The following CENPL variants were observed in gnomAD, a reference collection of about 807,000 sequenced individuals.
The protein encoded by CENPL is interphase centromere complex protein 33.
A neutral mutation model predicts 35.2 loss-of-function variants in CENPL; 20 were observed. That is an observed-to-expected ratio of 0.57 (90% CI 0.40 to 0.83). CENPL has a LOEUF of 0.83. Ranked by LOEUF, CENPL falls within the 40% of genes least tolerant of loss-of-function variation. The pLI is 0.00. For synonymous variants in CENPL, 140 were observed against 140.6 expected (o/e 1.00, Z 0.03); for missense variants, 363 against 395.8 (o/e 0.92, Z 0.70).
At chr1:173,821,548 A>G (rs1355384232) in intron 2 of CENPL, among the ~76,000 whole-genome samples, 1 of 152,234 alleles carries the variant, frequency 6.6e-6, no homozygotes, top group Non-Finnish European at 1.5e-5. Context: ...TTGAAAAAAC[A>G]TGTCAATTGT....
At chr1:173,822,162 G>A (rs1051428309) in intron 2 of CENPL, 1 of 152,060 alleles carries the variant, frequency 6.6e-6, no homozygotes, top group African/African-American at 2.4e-5. Flanking sequence ...TATTTTACTA[G>A]AAATCTTCAG....
Position 173,807,523 on chromosome 1 carries a change from A to T in CENPL, c.169-5T>A, listed in dbSNP as rs764688108. 46 of 1,386,306 alleles carry T rather than the reference A, an allele frequency of 3.3e-5. 2 individuals carry two copies. The Admixed American group carries it at 5.4e-4, about 16-fold the overall frequency. The allele number at this position is 1,386,306 out of a possible 1,614,324, so 85.9% of individuals were successfully genotyped here. ...CTTTTGAGGGTCAACATCTTCCTAT[A>T]AAAAAAAATCAAGACAAAAGAAGTT... On this transcript the variant is annotated splice_polypyrimidine_tract_variant and splice_region_variant and intron_variant, in intron 3 of 5. Coordinates refer to ENST00000682279, the MANE Select transcript of CENPL (RefSeq NM_001387287.1).
chr1:173,813,109 A>G (rs555312131), intron 2 of CENPL, among the ~76,000 whole-genome samples: 2 of 152,348 alleles, frequency 1.3e-5, no homozygotes, highest in South Asian at 2.1e-4. Flanking sequence ...ATAAAGCGAG[A>G]AGACAAAGTT....
At position 173,799,721 on chromosome 1, in the gene CENPL, A is replaced by G. The variant is rs1649586462; in HGVS notation, c.*727T>C. 6.6e-6 allele frequency: 1 copy of G among 152,228 alleles called. No individual in the cohort carries two copies. The highest frequency in any genetic ancestry group is 6.5e-5 in the Admixed American group (1 of 15,280). 9.4% of individuals were successfully genotyped at this position (152,228 alleles called of 1,614,324 possible). A position where few individuals can be genotyped will look rare whatever the true frequency, so the allele number is the denominator to read the frequency against. On this transcript the variant is annotated 3_prime_UTR_variant, in exon 6 of 6. Transcript: ENST00000682279. ...AATGCTAGGAAAATGTCTTTAGAAG[A>G]CAGAATTCTTTCTGAATGCAAGTCT...
chr1:173,805,406 T>C (rs1170298471), intron 4 of CENPL, among the ~76,000 whole-genome samples: 1 of 151,758 alleles, frequency 6.6e-6, no homozygotes, highest in African/African-American at 2.4e-5. Context: ...TCCTAGCTAC[T>C]TGGGGGGCTG....
intron 2 of CENPL, among the ~76,000 whole-genome samples, chr1:173,817,398 G>GA (rs1218755697): frequency 6.6e-6 from 1 of 152,156 alleles, no homozygotes; most frequent in African/African-American, 2.4e-5. Flanking sequence ...ACAAACACAT[G>GA]AAAAAATGCT....
At chr1:173,814,267 A>C (rs1475239880) in intron 2 of CENPL, among the ~76,000 whole-genome samples, 2 of 152,180 alleles carry the variant, frequency 1.3e-5, no homozygotes, top group Non-Finnish European at 2.9e-5. Context: ...AATATTAGAC[A>C]GATCAACGAG....
rs1367037571 is a variant in CENPL at position 173,803,282 on chromosome 1, G to A, written c.644C>T (p.Ala215Val). 1 of 1,612,856 alleles carries A rather than the reference G, an allele frequency of 6.2e-7. No homozygotes were observed. Among genetic ancestry groups the A allele is most frequent in the Non-Finnish European group, 8.5e-7 (1 of 1,178,918 alleles). ...GGCAGCCATCCAGGAAAGATTAAAT[G>A]CATTGATTGCTAAAGGACTGAAATA... is the stretch of plus-strand genomic sequence containing the variant. ...DCYFSPLAIN[A>V]FNLSWMAAMW... Residue 215 changes from alanine (A) to valine (V), a missense_variant, in exon 5 of 6, where the codon GCA becomes GTA. Physicochemically the swap from Ala to Val is moderately conservative, Grantham distance 64. Transcript: ENST00000682279.
At chr1:173,819,981 G>C (rs1318224977) in intron 2 of CENPL, among the ~76,000 whole-genome samples, 3 of 152,040 alleles carry the variant, frequency 2.0e-5, no homozygotes, top group Non-Finnish European at 2.9e-5. Context: ...GGGATTACAG[G>C]TGTGAGCCAC....
intron 2 of CENPL, among the ~76,000 whole-genome samples, chr1:173,818,370 C>T (rs1357649428): frequency 6.6e-6 from 1 of 152,118 alleles, no homozygotes; most frequent in Non-Finnish European, 1.5e-5. Context: ...TTCAGCTTCT[C>T]TTTATTTTCC....
intron 2 of CENPL, among the ~76,000 whole-genome samples, chr1:173,813,156 C>T (rs1651008603): frequency 1.3e-5 from 2 of 152,100 alleles, no homozygotes; most frequent in South Asian, 2.1e-4. Context: ...ACAAAGGCTC[C>T]AAGAAATATG....
intron 2 of CENPL, among the ~76,000 whole-genome samples, chr1:173,819,396 G>A (rs1651719110): frequency 6.6e-6 from 1 of 152,088 alleles, no homozygotes; most frequent in Non-Finnish European, 1.5e-5. Context: ...TTTGAGACCA[G>A]CCTGACCAAC....
intron 2 of CENPL, among the ~76,000 whole-genome samples, chr1:173,818,906 G>A (rs776145135): frequency 6.6e-6 from 1 of 152,128 alleles, no homozygotes; most frequent in Non-Finnish European, 1.5e-5. Flanking sequence ...TGTTAAACAA[G>A]TATTGGTTCA....
At chr1:173,803,626 T>TA in intron 4 of CENPL, 121 bp from the exon 5 acceptor site, 1 of 838,590 alleles carries the variant, frequency 1.2e-6, no homozygotes, top group African/African-American at 1.7e-5. Context: ...AAAAAAAACA[T>TA]AGAGGGAATA....
In CENPL at chr1:173,805,173, A is replaced by G. The variant is rs183167343; in HGVS notation, c.421-1668T>C. ...CTCTGTGCATCAAGTGCTTCACTTG[A>G]CAAAAACTGCTAATTGTCTCTTGAG... On this transcript the variant is annotated intron_variant, in intron 4 of 5. Coordinates refer to ENST00000682279, the MANE Select transcript of CENPL (RefSeq NM_001387287.1). Among the ~76,000 whole-genome samples the G allele has an allele frequency of 2.0e-5, 3 of 152,292 alleles. No individual in the cohort carries two copies. In the East Asian group the frequency reaches 5.8e-4, roughly 29 times the overall value.
intron 3 of CENPL, 160 bp downstream of exon 3, chr1:173,810,972 A>G: frequency 2.0e-6 from 1 of 489,824 alleles, no homozygotes; most frequent in South Asian, 4.6e-5. Flanking sequence ...AAAGACATAA[A>G]GAGGTAGCAC....
Position 173,812,125 on chromosome 1 carries a change from G to A in CENPL, c.-7-819C>T, listed in dbSNP as rs549147939. ...AGCCTCGTGGTGGGGAGGGGCGTCCGCCATTGCTGAGGCTTGAGTAGGTAA... is the reference window on the plus strand; with the variant it reads ...AGCCTCGTGGTGGGGAGGGGCGTCCACCATTGCTGAGGCTTGAGTAGGTAA... On this transcript the variant is annotated intron_variant, in intron 2 of 5. Coordinates refer to ENST00000682279, the MANE Select transcript of CENPL (RefSeq NM_001387287.1). Among the ~76,000 whole-genome samples the A allele has an allele frequency of 4.3e-4, 66 of 152,344 alleles. No individual in the cohort carries two copies. The South Asian group carries it at 0.013, about 29-fold the overall frequency.
chr1:173,802,037 A>G, intron 5 of CENPL, among the ~76,000 whole-genome samples: 1 of 151,698 alleles, frequency 6.6e-6, no homozygotes, highest in East Asian at 1.9e-4. Flanking sequence ...AAAAAAACAA[A>G]AAGCACACAC....
chr1:173,821,771 C>A (rs1651971143), intron 2 of CENPL: 1 of 155,736 alleles, frequency 6.4e-6, no homozygotes, highest in East Asian at 1.8e-4. Flanking sequence ...ACTTGTATCT[C>A]CCCTGGACAC....
Sources: gnomAD v4.1 joint callset for allele counts (sites outside exome capture counted in the v4.1 genomes callset) on GRCh38, gnomAD v4.1.1 for gene constraint, MANE v1.5 for transcripts, NCBI Gene and HGNC (gene_info 2026-07-23, HGNC 2026-07-21) for gene names.